Variants in EXOC4 observed in about 807,000 individuals in gnomAD.
EXOC4 encodes the protein SEC8-like 1.
In EXOC4, 71 loss-of-function variants were observed where a neutral mutation model predicts 107.2. The observed-to-expected ratio is 0.66, with a 90% confidence interval of 0.55 to 0.81. The LOEUF (loss-of-function observed/expected upper bound fraction) is 0.81, where lower values mean the gene tolerates loss of function less well. Among genes scored for constraint, EXOC4 ranks in the 30% least tolerant of loss-of-function variants. The probability of loss-of-function intolerance (pLI) is 0.00; values close to 1 mark genes in which losing one functional copy is unlikely to be tolerated. For synonymous variants in EXOC4, 456 were observed against 441.2 expected (o/e 1.03, Z -0.42); for missense variants, 1,108 against 1,189.6 (o/e 0.93, Z 1.01).
At chr7:133,326,570 C>T (rs1795246913) in intron 5 of EXOC4, among the ~76,000 whole-genome samples, 2 of 152,166 alleles carry the variant, frequency 1.3e-5, no homozygotes, top group South Asian at 4.1e-4. Context: ...CCTCTGGAAG[C>T]TTCGTCTCAG....
intron 1 of EXOC4, among the ~76,000 whole-genome samples, chr7:133,264,865 A>G (rs12531626): frequency 8.8e-4 from 133 of 151,950 alleles, no homozygotes; most frequent in Admixed American, 7.8e-3. Context: ...TTGTACTTTC[A>G]CTCTATTCAT....
At chr7:134,023,733 G>A (rs1795076643) in intron 17 of EXOC4, among the ~76,000 whole-genome samples, 2 of 152,166 alleles carry the variant, frequency 1.3e-5, no homozygotes, top group African/African-American at 4.8e-5. Flanking sequence ...ATGTACCACA[G>A]CCTCAATGTT....
intron 11 of EXOC4, among the ~76,000 whole-genome samples, chr7:133,872,343 A>G (rs892431601): frequency 4.6e-5 from 7 of 152,220 alleles, no homozygotes; most frequent in African/African-American, 1.7e-4. Context: ...TGTGGTAGCC[A>G]CATATTTAAG....
rs575644494 is a variant in EXOC4, at chr7:133,298,253, A to T, written c.472-7624A>T. Reference sequence around the variant, plus strand: ...TTGTGGGATTTTAATAGTTCACGTTAGTAAAGAGCTGTGTAAGTGCTGAGC... The same window carrying T: ...TTGTGGGATTTTAATAGTTCACGTTTGTAAAGAGCTGTGTAAGTGCTGAGC... On this transcript the variant is annotated intron_variant, in intron 3 of 17. Coordinates refer to ENST00000253861, the MANE Select transcript of EXOC4 (RefSeq NM_021807.4). Among the ~76,000 whole-genome samples, 13 of 152,266 alleles carry T rather than the reference A, an allele frequency of 8.5e-5. No homozygotes were observed. In the East Asian group the frequency reaches 1.9e-3, roughly 23 times the overall value.
intron 11 of EXOC4, among the ~76,000 whole-genome samples, chr7:133,820,971 T>C (rs1157086526): frequency 2.0e-5 from 3 of 152,138 alleles, no homozygotes; most frequent in Admixed American, 2.0e-4. Flanking sequence ...AGGCACAGGT[T>C]CCATAGGAGG....
chr7:133,918,819 G>T (rs1799871540), intron 13 of EXOC4, among the ~76,000 whole-genome samples: 1 of 152,050 alleles, frequency 6.6e-6, no homozygotes, highest in Admixed American at 6.5e-5. Context: ...ATCTTCTTTT[G>T]CCTAAGTGAA....
At chr7:133,598,167 G>A (rs1801726233) in intron 9 of EXOC4, among the ~76,000 whole-genome samples, 1 of 152,196 alleles carries the variant, frequency 6.6e-6, no homozygotes, top group Admixed American at 6.5e-5. Flanking sequence ...CAGGACAAAA[G>A]CCTTACCTAA....
chr7:133,865,348 C>T (rs1407825352), intron 11 of EXOC4, among the ~76,000 whole-genome samples: 1 of 152,150 alleles, frequency 6.6e-6, no homozygotes, highest in Non-Finnish European at 1.5e-5. Context: ...AAGTATTTTA[C>T]CTAGAAATGA....
At chr7:133,691,316 C>G in intron 10 of EXOC4, among the ~76,000 whole-genome samples, 1 of 152,122 alleles carries the variant, frequency 6.6e-6, no homozygotes, top group Non-Finnish European at 1.5e-5. Flanking sequence ...CAGAGATGCA[C>G]ATAGATATAC....
chr7:134,094,523 T>TA, the EXOC4 span, among the ~76,000 whole-genome samples: 1 of 151,966 alleles, frequency 6.6e-6, no homozygotes. Context: ...GACACTATTT[T>TA]AAAAAATCGA....
intron 9 of EXOC4, among the ~76,000 whole-genome samples, chr7:133,506,196 G>GT (rs1799662425): frequency 6.6e-6 from 1 of 152,104 alleles, no homozygotes. Flanking sequence ...TCTTTAATAT[G>GT]ATTGTTTTAA....
chr7:133,876,661 C>G (rs1585216119), intron 11 of EXOC4, among the ~76,000 whole-genome samples: 1 of 152,066 alleles, frequency 6.6e-6, no homozygotes, highest in African/African-American at 2.4e-5. Context: ...TCTTACTTCT[C>G]CAGGCCACCC....
intron 5 of EXOC4, among the ~76,000 whole-genome samples, chr7:133,322,083 A>G (rs968351676): frequency 1.3e-5 from 2 of 151,974 alleles, no homozygotes; most frequent in Non-Finnish European, 2.9e-5. Flanking sequence ...TTTTTCTTGT[A>G]CATTTGTTTA....
intron 10 of EXOC4, among the ~76,000 whole-genome samples, chr7:133,777,996 C>T (rs1443319998): frequency 6.6e-6 from 1 of 152,136 alleles, no homozygotes; most frequent in East Asian, 1.9e-4. Flanking sequence ...TGTCTAGTAA[C>T]ATTCATTCTC....
rs543450466 is a variant in EXOC4, at chr7:133,364,881, G to A, written c.1007+8308G>A. On this transcript the variant is annotated intron_variant, in intron 6 of 17. Transcript: ENST00000253861. Reference sequence around the variant, plus strand: ...ATTTGACAGTTCACAAAGCTTGTTCGTGGTGCAATTAAGATTAGAAGTAGT... The same window carrying A: ...ATTTGACAGTTCACAAAGCTTGTTCATGGTGCAATTAAGATTAGAAGTAGT... Among the ~76,000 whole-genome samples the A allele has an allele frequency of 3.3e-5, 5 of 152,252 alleles. No individual in the cohort carries two copies. In the South Asian group the frequency reaches 6.2e-4, roughly 19 times the overall value.
chr7:133,669,842 G>T (rs147816020), intron 10 of EXOC4, among the ~76,000 whole-genome samples: 3 of 152,278 alleles, frequency 2.0e-5, no homozygotes, highest in Admixed American at 2.0e-4. Flanking sequence ...CACTTACAAG[G>T]ACTCTAAGGA....
In EXOC4 at chr7:133,576,861, T is replaced by C. The variant is rs117971859; in HGVS notation, c.1418-53184T>C. ...GCCAATTAATTCATCTGTTTTAAGA[T>C]GAATTCATCGGGTAATGTGTTTTAA... On this transcript the variant is annotated intron_variant, in intron 9 of 17. Coordinates refer to ENST00000253861, the MANE Select transcript of EXOC4 (RefSeq NM_021807.4). 5 of 1,289,636 alleles carry C rather than the reference T, an allele frequency of 3.9e-6. No homozygotes were observed. The East Asian group carries it at 2.8e-4, about 72-fold the overall frequency. The allele number at this position is 1,289,636 out of a possible 1,614,324, so 79.9% of individuals were successfully genotyped here.
At chr7:133,590,096 C>G (rs1801505662) in intron 9 of EXOC4, among the ~76,000 whole-genome samples, 1 of 151,924 alleles carries the variant, frequency 6.6e-6, no homozygotes, top group African/African-American at 2.4e-5. Flanking sequence ...AGACCCCTGG[C>G]TCCTCTCCTT....
chr7:133,283,225 C>G (rs1296452791), intron 2 of EXOC4, among the ~76,000 whole-genome samples: 1 of 152,182 alleles, frequency 6.6e-6, no homozygotes, highest in Non-Finnish European at 1.5e-5. Flanking sequence ...ACCTCAGTCT[C>G]TCTGCTATCT....
Sources: gnomAD v4.1 joint callset for allele counts (sites outside exome capture counted in the v4.1 genomes callset) on GRCh38, gnomAD v4.1.1 for gene constraint, MANE v1.5 for transcripts, NCBI Gene and HGNC (gene_info 2026-07-23, HGNC 2026-07-21) for gene names.